BMPR2: variants seen among roughly 807,000 people sequenced by gnomAD.
BMPR2 encodes bone morphogenetic protein receptor type 2.
In BMPR2, 29 loss-of-function variants were observed where a neutral mutation model predicts 100.8. That is an observed-to-expected ratio of 0.29 (90% CI 0.21 to 0.39). The LOEUF is 0.39. BMPR2 is among the 10% of genes least tolerant of loss of function. The pLI, the probability that BMPR2 is intolerant of heterozygous loss-of-function variation, is 1.00. For synonymous variants in BMPR2, 382 were observed against 442.3 expected, an observed-to-expected ratio of 0.86 and a Z score of 1.71; for missense variants, 1,011 against 1,274.5, an observed-to-expected ratio of 0.79 and a Z score of 3.15.
At chr2:202,408,641 C>T (rs1424985351) in intron 1 of BMPR2, among the ~76,000 whole-genome samples, 1 of 152,172 alleles carries the variant, frequency 6.6e-6, no homozygotes, top group African/African-American at 2.4e-5. Flanking sequence ...AATAAAAATT[C>T]AGTTCTTGTA....
intron 11 of BMPR2, among the ~76,000 whole-genome samples, chr2:202,553,357 ATAC>A (rs917386311): frequency 3.9e-5 from 6 of 152,064 alleles, no homozygotes; most frequent in African/African-American, 1.2e-4. Context: ...CTTATAGAAT[ATAC>A]TACTACTACT....
intron 10 of BMPR2, among the ~76,000 whole-genome samples, chr2:202,550,376 A>G (rs1172360829): frequency 1.3e-5 from 1 of 76,570 alleles, no homozygotes; most frequent in Non-Finnish European, 2.7e-5. Context: ...CCTATCTCCA[A>G]AAAAAAAAAA....
chr2:202,412,162 A>G, intron 1 of BMPR2, among the ~76,000 whole-genome samples: 1 of 152,226 alleles, frequency 6.6e-6, no homozygotes, highest in South Asian at 2.1e-4. Context: ...TTGAAAACAC[A>G]TGTATTAGAG....
chr2:202,445,850 C>G (rs913513136), intron 1 of BMPR2, among the ~76,000 whole-genome samples: 2 of 146,456 alleles, frequency 1.4e-5, no homozygotes, highest in Non-Finnish European at 3.0e-5. Context: ...TCTCGGCTCA[C>G]TGCAACTTCC....
At chr2:202,415,402 C>G (rs1469987290) in intron 1 of BMPR2, among the ~76,000 whole-genome samples, 1 of 152,002 alleles carries the variant, frequency 6.6e-6, no homozygotes, top group African/African-American at 2.4e-5. Flanking sequence ...GCCTGGGAGG[C>G]GGAGGTTGCG....
At chr2:202,451,800 A>G (rs570800724) in intron 1 of BMPR2, among the ~76,000 whole-genome samples, 3 of 152,020 alleles carry the variant, frequency 2.0e-5, no homozygotes, top group African/African-American at 7.2e-5. Context: ...CCCAGGCTGG[A>G]GTGCAATGGC....
chr2:202,379,695 C>A (rs142682022), intron 1 of BMPR2, among the ~76,000 whole-genome samples: 2 of 152,112 alleles, frequency 1.3e-5, no homozygotes, highest in African/African-American at 4.8e-5. Flanking sequence ...ACTCGACAGG[C>A]GCAAATGGTG....
chr2:202,438,471 C>T (rs1163797219), intron 1 of BMPR2, among the ~76,000 whole-genome samples: 1 of 150,294 alleles, frequency 6.7e-6, no homozygotes, highest in Non-Finnish European at 1.5e-5. Flanking sequence ...ATTTTGTTGA[C>T]ATTCTATCTA....
chr2:202,473,954 A>G (rs1477516480), intron 3 of BMPR2, among the ~76,000 whole-genome samples: 1 of 149,324 alleles, frequency 6.7e-6, no homozygotes, highest in Admixed American at 6.7e-5. Context: ...AAAATACAAA[A>G]ATTAGCTGGG....
At chr2:202,471,912 T>C (rs1243932489) in intron 3 of BMPR2, among the ~76,000 whole-genome samples, 1 of 147,752 alleles carries the variant, frequency 6.8e-6, no homozygotes, top group Admixed American at 6.8e-5. Context: ...CAAAAAAAGA[T>C]TGTGTGTGTG....
At chr2:202,531,976 G>C (rs1294930324) in intron 8 of BMPR2, among the ~76,000 whole-genome samples, 1 of 110,836 alleles carries the variant, frequency 9.0e-6, no homozygotes, top group South Asian at 3.1e-4. Flanking sequence ...GTCTCTCTCT[G>C]TCACCCAGGC....
chr2:202,499,912 G>A (rs529714954), intron 3 of BMPR2, among the ~76,000 whole-genome samples: 43 of 152,288 alleles, frequency 2.8e-4, no homozygotes, highest in African/African-American at 1.0e-3. Context: ...CAATCACCTG[G>A]TAGGTCTTGT....
rs541354587 is a variant in BMPR2, at chr2:202,430,983, A to G, written c.77-33826A>G. On this transcript the variant is annotated intron_variant, in intron 1 of 12. Coordinates refer to ENST00000374580, the MANE Select transcript of BMPR2 (RefSeq NM_001204.7). ...TCCAAAAAAAAAAAAAACTTGATGAACTTAATCTATATTTTAAGAACTCTA... is the reference window on the plus strand; with the variant it reads ...TCCAAAAAAAAAAAAAACTTGATGAGCTTAATCTATATTTTAAGAACTCTA... 9.6e-4 allele frequency among the ~76,000 whole-genome samples: 145 copies of G among 150,486 alleles called. 12 individuals carry two copies. Among genetic ancestry groups the G allele is most frequent in the African/African-American group, 3.4e-3 (137 of 39,894 alleles).
Position 202,496,969 on chromosome 2 carries a change from G to A in BMPR2, c.419-16750G>A, listed in dbSNP as rs549470249. On this transcript the variant is annotated intron_variant, in intron 3 of 12. Transcript: ENST00000374580. ...ACGCTTGCGGGCCAGCTGGAGTTCC[G>A]GGTGGGCATGGGCTTGGCGGGCCCC... 2.4e-3 allele frequency among the ~76,000 whole-genome samples: 360 copies of A among 152,356 alleles called. 1 individual carries two copies. The highest frequency in any genetic ancestry group is 8.1e-3 in the African/African-American group (336 of 41,580).
At chr2:202,469,525 G>T in intron 3 of BMPR2, 2 of 329,752 alleles carry the variant, frequency 6.1e-6, no homozygotes, top group South Asian at 5.0e-5. Flanking sequence ...TGTCACCCTG[G>T]CTAGAGTACA....
rs532932734 is a variant in BMPR2 at position 202,387,828 on chromosome 2, G to T, written c.76+10278G>T. 7.2e-5 allele frequency among the ~76,000 whole-genome samples: 11 copies of T among 152,200 alleles called. No homozygotes were observed. The South Asian group carries it at 2.3e-3, about 32-fold the overall frequency. On this transcript the variant is annotated intron_variant, in intron 1 of 12. Coordinates refer to ENST00000374580, the MANE Select transcript of BMPR2 (RefSeq NM_001204.7). ...CCCCATGGGGCCAGTCTAGTGTGAA[G>T]AAAAACTTTTATTTAGTTACTTCAC...
At chr2:202,493,893 T>A (rs1574476634) in intron 3 of BMPR2, among the ~76,000 whole-genome samples, 1 of 152,196 alleles carries the variant, frequency 6.6e-6, no homozygotes, top group African/African-American at 2.4e-5. Context: ...TTTGTTGTTA[T>A]TTTTTGCTTT....
intron 3 of BMPR2, among the ~76,000 whole-genome samples, chr2:202,488,384 A>G (rs1275963874): frequency 6.6e-6 from 1 of 152,208 alleles, no homozygotes; most frequent in African/African-American, 2.4e-5. Flanking sequence ...AAAATAAAAC[A>G]TCTTTTGAAA....
rs200916983 is a variant in BMPR2, at chr2:202,469,841, A to AG, written c.418+2159dup. Among the ~76,000 whole-genome samples, 431 of 152,130 alleles carry AG rather than the reference A, an allele frequency of 2.8e-3. 3 individuals carry two copies. The highest frequency in any genetic ancestry group is 9.0e-3 in the African/African-American group (372 of 41,458). Reference sequence around the variant, plus strand: ...CTGATACCAAAGTTATTGAAAGATAAGGGGGGGAAAAAAAGCCCTGAAGAG... The same window carrying AG: ...CTGATACCAAAGTTATTGAAAGATAAGGGGGGGGAAAAAAAGCCCTGAAGAG... On this transcript the variant is annotated intron_variant, in intron 3 of 12. Transcript: ENST00000374580.
Sources: gnomAD v4.1 joint callset for allele counts (sites outside exome capture counted in the v4.1 genomes callset) on GRCh38, gnomAD v4.1.1 for gene constraint, MANE v1.5 for transcripts, NCBI Gene and HGNC (gene_info 2026-07-23, HGNC 2026-07-21) for gene names.